Variants in SLC24A2 observed in about 807,000 individuals in gnomAD.
SLC24A2 encodes the protein solute carrier family 24 member 2.
A neutral mutation model predicts 62.0 loss-of-function variants in SLC24A2; 36 were observed. The ratio of observed to expected loss-of-function variants is 0.58; its 90% CI spans 0.44 to 0.77. The LOEUF (loss-of-function observed/expected upper bound fraction) is 0.77. SLC24A2 is among the 30% of genes least tolerant of loss of function. The pLI is 0.00. For synonymous variants in SLC24A2, 358 were observed against 294.0 expected (o/e 1.22, Z -2.23); for missense variants, 846 against 817.9 (o/e 1.03, Z -0.42).
chr9:20,131,287 A>G, the SLC24A2 span, among the ~76,000 whole-genome samples: 2 of 152,124 alleles, frequency 1.3e-5, no homozygotes. Flanking sequence ...CAGGGCGCCC[A>G]GATTCCAGGC....
At chr9:20,108,086 A>G in the SLC24A2 span, among the ~76,000 whole-genome samples, 1 of 152,326 alleles carries the variant, frequency 6.6e-6, no homozygotes, top group Non-Finnish European at 1.5e-5. Context: ...CAGCCAAAAA[A>G]CACATGAAAA....
the SLC24A2 span, among the ~76,000 whole-genome samples, chr9:20,144,835 T>C: frequency 1.3e-5 from 2 of 152,120 alleles, no homozygotes; most frequent in South Asian, 4.1e-4. Flanking sequence ...TTTGGAAATG[T>C]TAGTTTAAAA....
At chr9:20,218,850 C>A in the SLC24A2 span, among the ~76,000 whole-genome samples, 1 of 152,110 alleles carries the variant, frequency 6.6e-6, no homozygotes, top group Non-Finnish European at 1.5e-5. Flanking sequence ...TCTCCACTAC[C>A]GAGTCTCATC....
the SLC24A2 span, among the ~76,000 whole-genome samples, chr9:19,962,115 C>G: frequency 6.6e-6 from 1 of 152,240 alleles, no homozygotes; most frequent in Non-Finnish European, 1.5e-5. Flanking sequence ...CATTTATTCT[C>G]TCATTCATTC....
chr9:19,963,932 C>A, the SLC24A2 span, among the ~76,000 whole-genome samples: 1 of 151,866 alleles, frequency 6.6e-6, no homozygotes, highest in African/African-American at 2.4e-5. Context: ...ATGTTTATAG[C>A]GGCACTATTC....
At chr9:19,700,130 T>C (rs971834314) in intron 2 of SLC24A2, among the ~76,000 whole-genome samples, 3 of 152,222 alleles carry the variant, frequency 2.0e-5, no homozygotes, top group African/African-American at 7.2e-5. Context: ...ATGTCTCACC[T>C]GAGACATAGA....
At chr9:20,268,080 A>T in the SLC24A2 span, among the ~76,000 whole-genome samples, 1 of 152,316 alleles carries the variant, frequency 6.6e-6, no homozygotes, top group East Asian at 1.9e-4. Context: ...ATGGGAAATG[A>T]GTAGCCTGAG....
the SLC24A2 span, among the ~76,000 whole-genome samples, chr9:20,165,061 C>A: frequency 1.5e-4 from 23 of 150,606 alleles, no homozygotes; most frequent in African/African-American, 5.4e-4. Flanking sequence ...GTGCAGCACA[C>A]CAGCATGGCA....
rs556607949 is a variant in SLC24A2 at position 19,522,208 on chromosome 9, C to T, written c.1570-1148G>A. 9.9e-5 allele frequency among the ~76,000 whole-genome samples: 15 copies of T among 152,192 alleles called. No homozygotes were observed. The South Asian group carries it at 2.9e-3, about 29-fold the overall frequency. ...TAGAGATGGTTCTTACTATGTTGCC[C>T]AGGCTGGTCTTGAACTCTCGGCCTC... On this transcript the variant is annotated intron_variant, in intron 9 of 10. Coordinates refer to ENST00000341998, the MANE Select transcript of SLC24A2 (RefSeq NM_020344.4).
the SLC24A2 span, among the ~76,000 whole-genome samples, chr9:20,167,697 T>C: frequency 2.0e-5 from 3 of 151,946 alleles, no homozygotes; most frequent in South Asian, 4.2e-4. Flanking sequence ...GTGTAAGAAA[T>C]GTTTCAATCA....
At chr9:19,617,011 T>C (rs1349739300) in intron 4 of SLC24A2, among the ~76,000 whole-genome samples, 1 of 151,650 alleles carries the variant, frequency 6.6e-6, no homozygotes, top group South Asian at 2.1e-4. Context: ...TAAAACAGAG[T>C]GAAATTGAGT....
the SLC24A2 span, among the ~76,000 whole-genome samples, chr9:20,081,759 T>A: frequency 2.0e-5 from 3 of 152,204 alleles, no homozygotes; most frequent in African/African-American, 7.2e-5. Flanking sequence ...ACATCCACAA[T>A]TTTAATCATT....
At chr9:19,527,182 T>G (rs1231990118) in intron 9 of SLC24A2, among the ~76,000 whole-genome samples, 1 of 152,216 alleles carries the variant, frequency 6.6e-6, no homozygotes, top group Non-Finnish European at 1.5e-5. Flanking sequence ...AATTTTAGGA[T>G]TATATTAAAC....
the SLC24A2 span, among the ~76,000 whole-genome samples, chr9:20,174,632 A>T: frequency 6.6e-6 from 1 of 152,110 alleles, no homozygotes; most frequent in Non-Finnish European, 1.5e-5. Flanking sequence ...CAGGAAATGC[A>T]AATGAAAACC....
chr9:20,080,397 A>G, the SLC24A2 span, among the ~76,000 whole-genome samples: 1 of 152,250 alleles, frequency 6.6e-6, no homozygotes, highest in East Asian at 1.9e-4. Context: ...TATTTAATAA[A>G]TGGTGCTGGG....
At chr9:19,969,015 A>C in the SLC24A2 span, among the ~76,000 whole-genome samples, 1 of 152,166 alleles carries the variant, frequency 6.6e-6, no homozygotes, top group East Asian at 1.9e-4. Context: ...TCTACCAGAC[A>C]TTCTTCAATC....
At chr9:19,914,632 A>G in the SLC24A2 span, among the ~76,000 whole-genome samples, 3 of 152,058 alleles carry the variant, frequency 2.0e-5, no homozygotes, top group Non-Finnish European at 2.9e-5. Context: ...CATTCTGTTC[A>G]CCCCTCTGGC....
the SLC24A2 span, among the ~76,000 whole-genome samples, chr9:19,802,630 T>C: frequency 6.6e-6 from 1 of 152,190 alleles, no homozygotes; most frequent in East Asian, 1.9e-4. Context: ...CAATCATTTA[T>C]TAAAAACCAT....
the SLC24A2 span, among the ~76,000 whole-genome samples, chr9:19,839,676 G>T: frequency 2.6e-5 from 4 of 152,278 alleles, no homozygotes; most frequent in Non-Finnish European, 5.9e-5. Flanking sequence ...TACAGTTAAT[G>T]AAAGTGTTCC....
Sources: allele counts gnomAD v4.1 joint callset (sites outside exome capture counted in the v4.1 genomes callset), GRCh38; gene constraint gnomAD v4.1.1; transcripts MANE v1.5; gene names NCBI Gene and HGNC (gene_info 2026-07-23, HGNC 2026-07-21).